ZDHHC7: variants seen among roughly 807,000 people sequenced by gnomAD.
ZDHHC7 encodes palmitoyltransferase ZDHHC7.
ZDHHC7 carries 12 observed loss-of-function variants against 34.1 expected under a neutral mutation model. The ratio of observed to expected loss-of-function variants is 0.35; its 90% confidence interval spans 0.23 to 0.57. The LOEUF is 0.57. Ranked by LOEUF, ZDHHC7 falls within the 20% of genes least tolerant of loss-of-function variation. The pLI is 0.84. For missense variants in ZDHHC7, 388 were observed against 402.7 expected, an observed-to-expected ratio of 0.96 and a Z score of 0.31; for synonymous variants, 185 against 155.4, an observed-to-expected ratio of 1.19 and a Z score of -1.42.
chr16:84,977,538 A>C (rs1281174096), intron 6 of ZDHHC7, among the ~76,000 whole-genome samples: 1 of 152,248 alleles, frequency 6.6e-6, no homozygotes, highest in African/African-American at 2.4e-5. Flanking sequence ...CACCCATACC[A>C]GTGAGCAGTG....
chr16:85,012,927 AC>A (rs890847091), upstream of ZDHHC7, among the ~76,000 whole-genome samples: 1 of 152,110 alleles, frequency 6.6e-6, no homozygotes, highest in African/African-American at 2.4e-5. Flanking sequence ...AAAAGAAAAA[AC>A]CAGAATATAT....
rs545014919 is a variant in ZDHHC7 at position 84,988,429 on chromosome 16, CT to C, written c.315+1874del. Among the ~76,000 whole-genome samples the C allele has an allele frequency of 1.1e-4, 16 of 152,334 alleles. No homozygotes were observed. The South Asian group carries it at 2.5e-3, about 24-fold the overall frequency. On this transcript the variant is annotated intron_variant, in intron 3 of 7. Transcript: ENST00000313732. Reference sequence around the variant, plus strand: ...GAATTAAATCTCAATCAAAACACCCCTGACATCCAAGATCTCCAACTTCTCC... The same window carrying C: ...GAATTAAATCTCAATCAAAACACCCCGACATCCAAGATCTCCAACTTCTCC...
chr16:85,027,375 G>A, the ZDHHC7 span, among the ~76,000 whole-genome samples: 1 of 152,138 alleles, frequency 6.6e-6, no homozygotes, highest in South Asian at 2.1e-4. Flanking sequence ...GAGGGTAACT[G>A]ACACGGCTGT....
At chr16:85,016,061 C>G (rs868334459), upstream of ZDHHC7, among the ~76,000 whole-genome samples, 1 of 152,174 alleles carries the variant, frequency 6.6e-6, no homozygotes, top group African/African-American at 2.4e-5. Flanking sequence ...TTCCACCCCC[C>G]CAACCACGTC....
intron 2 of ZDHHC7, among the ~76,000 whole-genome samples, chr16:84,995,420 G>A (rs1479064592): frequency 2.0e-5 from 3 of 152,218 alleles, no homozygotes. Flanking sequence ...GTGGTCAGGA[G>A]TTCAAGACCA....
chr16:84,985,296 C>T (rs897098604), intron 3 of ZDHHC7, among the ~76,000 whole-genome samples: 9 of 152,262 alleles, frequency 5.9e-5, no homozygotes, highest in Non-Finnish European at 1.0e-4. Flanking sequence ...CCACCTCGCC[C>T]TTCCAGGGCA....
chr16:84,976,514 G>A lies in ZDHHC7; in HGVS notation c.756C>T (p.Ile252=), dbSNP rs144679098. The change falls in exon 8 of 8, where the codon ATC becomes ATT. Residue 252 remains isoleucine (I), a synonymous_variant. Transcript: ENST00000313732. ...IHSICNDETE[I]ERLKSEKPTW... ...TGGGCTTCTCACTTTTCAATCGCTC[G>A]ATCTCCTGGAAGCAGAAAGAAAAGC... The A allele has an allele frequency of 5.2e-5, 84 of 1,613,242 alleles. No individual in the cohort carries two copies. Among genetic ancestry groups the A allele is most frequent in the African/African-American group, 5.2e-4 (39 of 74,960 alleles).
At chr16:84,986,965 T>C (rs926901918) in intron 3 of ZDHHC7, among the ~76,000 whole-genome samples, 1 of 152,180 alleles carries the variant, frequency 6.6e-6, no homozygotes, top group Non-Finnish European at 1.5e-5. Flanking sequence ...TGCTGGGCCA[T>C]GCCCACTCTC....
At chr16:84,988,112 A>G (rs1317743786) in intron 3 of ZDHHC7, among the ~76,000 whole-genome samples, 1 of 152,210 alleles carries the variant, frequency 6.6e-6, no homozygotes, top group Admixed American at 6.5e-5. Flanking sequence ...CGGAGGTTGC[A>G]GTAAGCCAAG....
chr16:85,013,314 C>T (rs1203761719), upstream of ZDHHC7, among the ~76,000 whole-genome samples: 1 of 152,140 alleles, frequency 6.6e-6, no homozygotes, highest in Non-Finnish European at 1.5e-5. Context: ...GCAATCTCAG[C>T]TCACTGTAAC....
intron 3 of ZDHHC7, among the ~76,000 whole-genome samples, chr16:84,988,125 C>T (rs111587046): frequency 2.0e-5 from 3 of 152,014 alleles, no homozygotes; most frequent in Admixed American, 6.6e-5. Context: ...AAGCCAAGAT[C>T]GCGCCACTGC....
the ZDHHC7 span, among the ~76,000 whole-genome samples, chr16:85,026,485 C>A: frequency 6.6e-6 from 1 of 152,054 alleles, no homozygotes; most frequent in Non-Finnish European, 1.5e-5. Flanking sequence ...CTAGAAGGAG[C>A]TATGGTGCTG....
intron 1 of ZDHHC7, among the ~76,000 whole-genome samples, chr16:85,010,804 T>G (rs2143769711): frequency 6.6e-6 from 1 of 152,280 alleles, no homozygotes; most frequent in Non-Finnish European, 1.5e-5. Flanking sequence ...ATGACTGACG[T>G]GGAGCAGGAG....
chr16:85,025,804 C>T, the ZDHHC7 span, among the ~76,000 whole-genome samples: 1 of 152,162 alleles, frequency 6.6e-6, no homozygotes, highest in African/African-American at 2.4e-5. Flanking sequence ...TATATTTCCA[C>T]CATATTTCCT....
chr16:85,010,682 A>G (rs374351711), intron 1 of ZDHHC7, among the ~76,000 whole-genome samples: 3 of 145,800 alleles, frequency 2.1e-5, no homozygotes, highest in African/African-American at 2.6e-5. Flanking sequence ...AAGTGTGTCT[A>G]TCTAACTGAG....
chr16:85,026,105 C>T, the ZDHHC7 span, among the ~76,000 whole-genome samples: 1 of 152,208 alleles, frequency 6.6e-6, no homozygotes, highest in African/African-American at 2.4e-5. Flanking sequence ...TCCCCTAAAA[C>T]AGAATCTGAC....
rs888962673 is a variant in ZDHHC7, at chr16:84,981,952, T to C, written c.358A>G (p.Ser120Gly). Residue 120 changes from serine (S) to glycine (G), a missense_variant, in exon 4 of 8, where the codon AGC (serine) becomes GGC (glycine). Physicochemically the swap from Ser to Gly is moderately conservative, Grantham distance 56. Transcript: ENST00000313732. ...ACTTCCCCGGGCTTCAGCTGCAAGCTCTCCATGTATTCTTTCGTAGCGTTT... is the reference window on the plus strand; with the variant it reads ...ACTTCCCCGGGCTTCAGCTGCAAGCCCTCCATGTATTCTTTCGTAGCGTTT... ...KGNATKEYME[S>G]LQLKPGEVIY... 4.3e-6 allele frequency: 7 copies of C among 1,614,178 alleles called. 1 individual carries two copies. In the South Asian group the frequency reaches 7.7e-5, roughly 18 times the overall value.
intron 2 of ZDHHC7, among the ~76,000 whole-genome samples, chr16:84,992,049 G>A (rs532311708): frequency 4.9e-4 from 75 of 151,906 alleles, no homozygotes; most frequent in African/African-American, 1.4e-3. Flanking sequence ...GGTGGCGTGC[G>A]CCTGTAATCC....
chr16:84,981,833 G>T, intron 4 of ZDHHC7, 37 bp downstream of exon 4: 2 of 1,613,060 alleles, frequency 1.2e-6, no homozygotes, highest in Non-Finnish European at 1.7e-6. Context: ...ACCCGCAGTG[G>T]CGGATGCGCT....
Sources: gnomAD v4.1 joint callset for allele counts (sites outside exome capture counted in the v4.1 genomes callset) on GRCh38, gnomAD v4.1.1 for gene constraint, MANE v1.5 for transcripts, NCBI Gene and HGNC (gene_info 2026-07-23, HGNC 2026-07-21) for gene names.